The following CAMK1D variants were observed in gnomAD, a reference collection of about 807,000 sequenced individuals.
The protein encoded by CAMK1D is calcium/calmodulin-dependent protein kinase type 1D.
Under a neutral mutation model 47.7 loss-of-function variants are expected in CAMK1D, and 9 were observed. The observed-to-expected ratio is 0.19, with a 90% confidence interval of 0.11 to 0.33. CAMK1D has a LOEUF of 0.33. CAMK1D is among the 10% of genes least tolerant of loss of function. The pLI, the probability that CAMK1D is intolerant of heterozygous loss-of-function variation, is 1.00. For missense variants in CAMK1D, 291 were observed against 488.7 expected, an observed-to-expected ratio of 0.60 and a Z score of 3.81; for synonymous variants, 184 against 184.9, an observed-to-expected ratio of 0.99 and a Z score of 0.04.
At chr10:12,672,611 TCCAC>T (rs948244658) in intron 3 of CAMK1D, among the ~76,000 whole-genome samples, 2 of 151,998 alleles carry the variant, frequency 1.3e-5, no homozygotes, top group African/African-American at 4.8e-5. Context: ...CCTCAAGTGA[TCCAC>T]CCACCTCAGC....
At chr10:12,365,685 G>A (rs1837811920) in intron 1 of CAMK1D, among the ~76,000 whole-genome samples, 2 of 151,784 alleles carry the variant, frequency 1.3e-5, no homozygotes, top group South Asian at 4.2e-4. Context: ...TGATCTGCCT[G>A]CCTCGGCCTC....
intron 2 of CAMK1D, among the ~76,000 whole-genome samples, chr10:12,570,908 G>A (rs542769155): frequency 1.7e-4 from 26 of 152,116 alleles, no homozygotes; most frequent in Admixed American, 9.8e-4. Flanking sequence ...CCGAGATTGC[G>A]TCACTGCACT....
At chr10:12,398,780 G>C (rs1839065379) in intron 1 of CAMK1D, among the ~76,000 whole-genome samples, 1 of 149,578 alleles carries the variant, frequency 6.7e-6, no homozygotes, top group East Asian at 2.0e-4. Flanking sequence ...AAAATCCATA[G>C]AGTTTTTGGG....
chr10:12,650,384 C>T (rs1371521530), intron 2 of CAMK1D, among the ~76,000 whole-genome samples: 2 of 152,238 alleles, frequency 1.3e-5, no homozygotes, highest in African/African-American at 4.8e-5. Flanking sequence ...ATTGGTCGTG[C>T]TGTGTCATGA....
chr10:12,508,812 C>T (rs953378407), intron 1 of CAMK1D, among the ~76,000 whole-genome samples: 2 of 152,146 alleles, frequency 1.3e-5, no homozygotes, highest in African/African-American at 4.8e-5. Flanking sequence ...TTATTTTTTG[C>T]ACTTAAGCTG....
chr10:12,469,708 T>A (rs1239461206), intron 1 of CAMK1D, among the ~76,000 whole-genome samples: 4 of 152,244 alleles, frequency 2.6e-5, no homozygotes. Context: ...AATTTTAAAA[T>A]GTGCACCTTC....
chr10:12,457,475 G>A (rs868130879), intron 1 of CAMK1D, among the ~76,000 whole-genome samples: 4 of 152,080 alleles, frequency 2.6e-5, no homozygotes, highest in South Asian at 4.2e-4. Context: ...AGTGCATGGA[G>A]TATGCTGCTC....
intron 1 of CAMK1D, among the ~76,000 whole-genome samples, chr10:12,519,672 A>AC (rs1471938710): frequency 6.7e-4 from 1 of 1,496 alleles, no homozygotes; most frequent in African/African-American, 1.1e-3. Flanking sequence ...CGGGGGGCTG[A>AC]CCCCCCTCCT....
intron 2 of CAMK1D, among the ~76,000 whole-genome samples, chr10:12,646,536 CAGTG>C (rs1476136543): frequency 6.6e-6 from 1 of 152,170 alleles, no homozygotes; most frequent in African/African-American, 2.4e-5. Flanking sequence ...ACAGAGCTAA[CAGTG>C]AGACCTTGAG....
At chr10:12,357,449 A>G (rs12241794) in intron 1 of CAMK1D, among the ~76,000 whole-genome samples, 150,175 of 152,216 alleles carry the variant, frequency 0.99, 74,103 homozygotes, top group Non-Finnish European at 1. Context: ...CCGAGTAGGT[A>G]GGACTACAGG....
At position 12,666,784 on chromosome 10, in the gene CAMK1D, A is replaced by G. The variant is rs370633965; in HGVS notation, c.273A>G (p.Pro91=). 3 of 1,614,074 alleles carry G rather than the reference A, an allele frequency of 1.9e-6. No individual in the cohort carries two copies. The highest frequency in any genetic ancestry group is 4.5e-5 in the East Asian group (2 of 44,890). ...CCCTGGAAGACATTTATGAAAGCCC[A>G]AATCACCTGTACTTGGTCATGCAGC... is the stretch of plus-strand genomic sequence containing the variant. The part of the protein sequence containing the change: ...IVALEDIYES[P]NHLYLVMQLV... The change falls in exon 3 of 11, where the codon CCA becomes CCG. Residue 91 remains proline, a synonymous_variant. Transcript: ENST00000619168.
chr10:12,349,672 G>A lies in CAMK1D; in HGVS notation c.-147G>A. 1 of 162,848 alleles carries A rather than the reference G, an allele frequency of 6.1e-6. No homozygotes were observed. The highest frequency in any genetic ancestry group is 1.3e-5 in the Non-Finnish European group (1 of 74,838). 10.1% of individuals were successfully genotyped at this position (162,848 alleles called of 1,614,324 possible). A position where few individuals can be genotyped will look rare whatever the true frequency, so the allele number is the denominator to read the frequency against. ...GGACCGCGGCCGCGGCGGCGGCGGC[G>A]AGAGCGAAAGAGGAAACTGCAGAGG... On this transcript the variant is annotated 5_prime_UTR_variant, in exon 1 of 11. Coordinates refer to ENST00000619168, the MANE Select transcript of CAMK1D (RefSeq NM_153498.4).
At chr10:12,396,322 G>C (rs376232387) in intron 1 of CAMK1D, among the ~76,000 whole-genome samples, 1 of 152,188 alleles carries the variant, frequency 6.6e-6, no homozygotes, top group Admixed American at 6.5e-5. Flanking sequence ...ATTGTCCACT[G>C]TTCCTCTTGG....
intron 1 of CAMK1D, among the ~76,000 whole-genome samples, chr10:12,449,922 T>A (rs1833033745): frequency 6.6e-6 from 1 of 152,022 alleles, no homozygotes; most frequent in Non-Finnish European, 1.5e-5. Flanking sequence ...TCGCTTGACT[T>A]GGGAGGCAGA....
chr10:12,496,076 G>A (rs1834530336), intron 1 of CAMK1D, among the ~76,000 whole-genome samples: 1 of 152,048 alleles, frequency 6.6e-6, no homozygotes, highest in Non-Finnish European at 1.5e-5. Context: ...CAATCCTCCT[G>A]CCTCGGCCTC....
chr10:12,828,715 A>AG, intron 10 of CAMK1D, 54 bp from the exon 11 acceptor site: 1 of 1,438,206 alleles, frequency 7.0e-7, no homozygotes. Flanking sequence ...AGTGGGAAGC[A>AG]GGGTGAGAAT....
At chr10:12,364,388 C>T (rs1425094331) in intron 1 of CAMK1D, among the ~76,000 whole-genome samples, 4 of 151,482 alleles carry the variant, frequency 2.6e-5, no homozygotes, top group African/African-American at 9.7e-5. Context: ...ATTAGAGGCA[C>T]GCACCACCAC....
chr10:12,617,422 T>C (rs1463458488), intron 2 of CAMK1D, among the ~76,000 whole-genome samples: 1 of 152,186 alleles, frequency 6.6e-6, no homozygotes, highest in Non-Finnish European at 1.5e-5. Flanking sequence ...TCATCTCTTC[T>C]TGCTCCCAGA....
At chr10:12,527,655 C>T (rs574760532) in intron 1 of CAMK1D, among the ~76,000 whole-genome samples, 46 of 152,274 alleles carry the variant, frequency 3.0e-4, no homozygotes, top group South Asian at 2.9e-3. Flanking sequence ...GGATTACAGG[C>T]GTGAGCCACC....
Sources: allele counts gnomAD v4.1 joint callset (sites outside exome capture counted in the v4.1 genomes callset), GRCh38; gene constraint gnomAD v4.1.1; transcripts MANE v1.5; gene names NCBI Gene and HGNC (gene_info 2026-07-23, HGNC 2026-07-21).